AOX1: variants seen among roughly 807,000 people sequenced by gnomAD.
AOX1 encodes aldehyde oxidase 1.
In AOX1, 153 loss-of-function variants were observed where a neutral mutation model predicts 169.5. The observed-to-expected ratio is 0.90, with a 90% CI of 0.79 to 1.03. The LOEUF (loss-of-function observed/expected upper bound fraction) is 1.03, where lower values mean the gene tolerates loss of function less well. Among genes scored for constraint, AOX1 ranks in the 50% least tolerant of loss-of-function variants. AOX1 has a pLI of 0.00. For missense variants in AOX1, 1,656 were observed against 1,663.9 expected (o/e 1.00, Z 0.08); for synonymous variants, 562 against 581.9 (o/e 0.97, Z 0.49).
At chr2:200,612,526 G>A (rs564165210) in intron 13 of AOX1, 83 bp from the exon 14 acceptor site, 1 of 1,384,326 alleles carries the variant, frequency 7.2e-7, no homozygotes, top group East Asian at 2.3e-5. Context: ...CCGGTGTGTA[G>A]GTGATACTCA....
intron 10 of AOX1, among the ~76,000 whole-genome samples, chr2:200,606,422 C>T (rs535056563): frequency 6.6e-6 from 1 of 152,140 alleles, no homozygotes; most frequent in Admixed American, 6.5e-5. Flanking sequence ...TAGTGTGACG[C>T]CTCCAGCTTT....
chr2:200,611,258 AG>A, intron 12 of AOX1, 125 bp from the exon 13 acceptor site: 1 of 700,168 alleles, frequency 1.4e-6, no homozygotes, highest in South Asian at 1.7e-5. Context: ...TGCGAAGCAT[AG>A]GAAGAGCACC....
intron 13 of AOX1, among the ~76,000 whole-genome samples, chr2:200,612,249 A>C (rs2034655292): frequency 6.6e-6 from 1 of 152,166 alleles, no homozygotes; most frequent in African/African-American, 2.4e-5. Flanking sequence ...CTAATTACTG[A>C]ATCCTTCTGC....
intron 4 of AOX1, among the ~76,000 whole-genome samples, chr2:200,599,198 G>T (rs2034351751): frequency 6.6e-6 from 1 of 152,140 alleles, no homozygotes; most frequent in Non-Finnish European, 1.5e-5. Context: ...CTCAACTTGA[G>T]TGTAATTTGG....
intron 25 of AOX1, among the ~76,000 whole-genome samples, chr2:200,644,630 T>C (rs943784877): frequency 1.3e-5 from 2 of 152,196 alleles, no homozygotes; most frequent in Non-Finnish European, 2.9e-5. Context: ...AATTTGTAGA[T>C]TGCTTTTGGC....
chr2:200,674,320 C>T (rs377755372), downstream of AOX1, among the ~76,000 whole-genome samples: 3 of 152,032 alleles, frequency 2.0e-5, no homozygotes, highest in East Asian at 3.9e-4. Flanking sequence ...ATAGGCAGGG[C>T]TTTGGGGAGC....
intron 1 of AOX1, among the ~76,000 whole-genome samples, chr2:200,590,409 C>T (rs541819189): frequency 4.9e-4 from 74 of 152,256 alleles, no homozygotes; most frequent in Non-Finnish European, 9.4e-4. Context: ...CTCTCAAATC[C>T]AGAGTCAACC....
intron 28 of AOX1, among the ~76,000 whole-genome samples, 171 bp from the exon 29 acceptor site, chr2:200,659,824 A>ACACG (rs1559259895): frequency 1.4e-4 from 20 of 146,514 alleles, no homozygotes; most frequent in African/African-American, 5.4e-4. Context: ...ACACACACAC[A>ACACG]CGTGCACACA....
intron 16 of AOX1, among the ~76,000 whole-genome samples, chr2:200,616,488 T>C (rs1370985657): frequency 6.6e-6 from 1 of 152,244 alleles, no homozygotes; most frequent in Non-Finnish European, 1.5e-5. Flanking sequence ...AATTCAATAA[T>C]GCTTTTAAAA....
chr2:200,640,712 G>T (rs2035336219), intron 23 of AOX1, among the ~76,000 whole-genome samples: 1 of 152,160 alleles, frequency 6.6e-6, no homozygotes, highest in African/African-American at 2.4e-5. Flanking sequence ...TTTGCTGAAA[G>T]GACTGGATTA....
intron 20 of AOX1, among the ~76,000 whole-genome samples, chr2:200,630,095 C>T (rs141610567): frequency 2.0e-5 from 3 of 150,826 alleles, no homozygotes; most frequent in Non-Finnish European, 2.9e-5. Flanking sequence ...AAAAGGAAGC[C>T]GGGCATGGTG....
intron 26 of AOX1, among the ~76,000 whole-genome samples, chr2:200,651,610 A>G (rs1165287242): frequency 6.6e-6 from 1 of 151,862 alleles, no homozygotes; most frequent in Non-Finnish European, 1.5e-5. Context: ...AATAGAAATG[A>G]GGAGCTGCAA....
At position 200,665,435 on chromosome 2, in the gene AOX1, G is replaced by GT. The variant is rs541347335; in HGVS notation, c.3544-1245dup. On this transcript the variant is annotated intron_variant, in intron 31 of 34. Coordinates refer to ENST00000374700, the MANE Select transcript of AOX1 (RefSeq NM_001159.4). ...CACTAAGCCTACAGCTTTGTGGGTT[G>GT]TTTTTTTCTGTTTTGAGGTGGATTC... 1.4e-4 allele frequency among the ~76,000 whole-genome samples: 21 copies of GT among 152,212 alleles called. No individual in the cohort carries two copies. In the East Asian group the frequency reaches 2.1e-3, roughly 15 times the overall value.
downstream of AOX1, among the ~76,000 whole-genome samples, chr2:200,679,866 G>C (rs765119549): frequency 1.3e-5 from 2 of 152,142 alleles, no homozygotes; most frequent in African/African-American, 2.4e-5. Flanking sequence ...AGGATCGCTT[G>C]AGCCAAGGAG....
At chr2:200,632,953 G>C (rs892129358) in intron 20 of AOX1, among the ~76,000 whole-genome samples, 8 of 150,118 alleles carry the variant, frequency 5.3e-5, no homozygotes, top group Non-Finnish European at 1.2e-4. Context: ...CTGGAGTGCA[G>C]TGGTGTGATA....
chr2:200,678,913 C>T (rs1033125207), downstream of AOX1, among the ~76,000 whole-genome samples: 8 of 152,116 alleles, frequency 5.3e-5, no homozygotes, highest in Non-Finnish European at 1.0e-4. Flanking sequence ...TTAACTTCTT[C>T]CCCACACCTT....
chr2:200,602,343 AAAGT>A lies in AOX1; in HGVS notation c.498+3_498+6del, dbSNP rs1266609734. 3 of 1,613,408 alleles carry A rather than the reference AAAGT, an allele frequency of 1.9e-6. No homozygotes were observed. The South Asian group carries it at 3.3e-5, about 18-fold the overall frequency. Reference sequence around the variant, plus strand: ...AATTGATGCATGCAAGACTTTCTGTAAAGTAAGTGGAAAGGACCACATGTTTGAG... The same window carrying A: ...AATTGATGCATGCAAGACTTTCTGTAAAGTGGAAAGGACCACATGTTTGAG... On this transcript the variant is annotated splice_donor_variant and coding_sequence_variant, in exon 6 of 35. Transcript: ENST00000374700. LOFTEE classifies it high-confidence loss of function.
chr2:200,652,041 G>T (rs1370980239), intron 26 of AOX1, among the ~76,000 whole-genome samples: 1 of 152,184 alleles, frequency 6.6e-6, no homozygotes, highest in Non-Finnish European at 1.5e-5. Context: ...TCATGAAGAA[G>T]GCATGGCAGC....
At chr2:200,589,112 T>C (rs2034114338) in intron 1 of AOX1, among the ~76,000 whole-genome samples, 1 of 152,008 alleles carries the variant, frequency 6.6e-6, no homozygotes, top group African/African-American at 2.4e-5. Flanking sequence ...TAGGAGAAAA[T>C]AGGTGACATG....
Sources: gnomAD v4.1 joint callset for allele counts (sites outside exome capture counted in the v4.1 genomes callset) on GRCh38, gnomAD v4.1.1 for gene constraint, MANE v1.5 for transcripts, NCBI Gene and HGNC (gene_info 2026-07-23, HGNC 2026-07-21) for gene names.